DENND2B: variants seen among roughly 807,000 people sequenced by gnomAD.
DENND2B encodes DENN domain-containing protein 2B.
Under a neutral mutation model 116.0 loss-of-function variants are expected in DENND2B, and 32 were observed. The observed-to-expected ratio is 0.28, with a 90% CI of 0.21 to 0.37. The LOEUF (loss-of-function observed/expected upper bound fraction) is 0.37, where lower values mean the gene tolerates loss of function less well. DENND2B is among the 10% of genes least tolerant of loss of function. The pLI, the probability that DENND2B is intolerant of heterozygous loss-of-function variation, is 1.00. For synonymous variants in DENND2B, 588 were observed against 583.9 expected, an observed-to-expected ratio of 1.01 and a Z score of -0.10; for missense variants, 1,276 against 1,477.7, an observed-to-expected ratio of 0.86 and a Z score of 2.24.
chr11:8,739,435 T>C (rs891308142), intron 2 of DENND2B, among the ~76,000 whole-genome samples: 2 of 152,250 alleles, frequency 1.3e-5, no homozygotes, highest in African/African-American at 4.8e-5. Flanking sequence ...ACACCAGCTG[T>C]GTGGCTAAGA....
intron 2 of DENND2B, among the ~76,000 whole-genome samples, chr11:8,735,781 T>A (rs2048919621): frequency 6.6e-6 from 1 of 152,156 alleles, no homozygotes; most frequent in Non-Finnish European, 1.5e-5. Flanking sequence ...GAGGGAACAC[T>A]AGGGAGGCTT....
At chr11:8,875,983 T>C (rs898929046), upstream of DENND2B, among the ~76,000 whole-genome samples, 1 of 122,280 alleles carries the variant, frequency 8.2e-6, no homozygotes, top group East Asian at 2.5e-4. Flanking sequence ...CTTTATTATT[T>C]TATTTAGATC....
intron 2 of DENND2B, among the ~76,000 whole-genome samples, chr11:8,746,740 C>T (rs765130837): frequency 1.4e-4 from 22 of 152,182 alleles, no homozygotes; most frequent in Non-Finnish European, 2.9e-4. Flanking sequence ...ATGAAAAGCC[C>T]TGCAAACCAG....
chr11:8,795,223 C>G (rs1252663808), intron 1 of DENND2B, among the ~76,000 whole-genome samples: 1 of 152,212 alleles, frequency 6.6e-6, no homozygotes, highest in Non-Finnish European at 1.5e-5. Context: ...TGGACCTTTA[C>G]CAGGCTTTGT....
intron 7 of DENND2B, 32 bp downstream of exon 7, chr11:8,714,578 A>G (rs1306688173): frequency 1.3e-6 from 2 of 1,594,790 alleles, no homozygotes; most frequent in Non-Finnish European, 1.7e-6. Flanking sequence ...AGGGCCCCAA[A>G]CAGCTGAACC....
At chr11:8,797,820 C>T (rs11042070) in intron 1 of DENND2B, among the ~76,000 whole-genome samples, 35,586 of 151,930 alleles carry the variant, frequency 0.23, 4,428 homozygotes, top group Middle Eastern at 0.36. Context: ...ATTTCCATAC[C>T]TTATCCCAAG....
intron 1 of DENND2B, among the ~76,000 whole-genome samples, chr11:8,891,159 G>A (rs1056610408): frequency 6.6e-6 from 1 of 152,150 alleles, no homozygotes; most frequent in African/African-American, 2.4e-5. Flanking sequence ...AAGTGAAGGA[G>A]AAATAAAATT....
intron 1 of DENND2B, among the ~76,000 whole-genome samples, chr11:8,896,407 T>C (rs540025920): frequency 6.6e-6 from 1 of 152,304 alleles, no homozygotes; most frequent in Non-Finnish European, 1.5e-5. Flanking sequence ...TTGGAATATA[T>C]TAATTTTTGA....
chr11:8,815,367 G>A (rs1439948831), upstream of DENND2B, among the ~76,000 whole-genome samples: 1 of 152,134 alleles, frequency 6.6e-6, no homozygotes, highest in Non-Finnish European at 1.5e-5. Flanking sequence ...ACCAACAGCA[G>A]TGTGACTACA....
At chr11:8,809,941 A>T (rs565340566) in intron 1 of DENND2B, 1 of 151,414 alleles carries the variant, frequency 6.6e-6, no homozygotes, top group Non-Finnish European at 1.5e-5. Flanking sequence ...TGGAAGAGAG[A>T]GAGTGCAAAA....
At chr11:8,799,418 T>C (rs946681548) in intron 1 of DENND2B, among the ~76,000 whole-genome samples, 1 of 152,160 alleles carries the variant, frequency 6.6e-6, no homozygotes, top group Non-Finnish European at 1.5e-5. Flanking sequence ...CTTTCCTTTC[T>C]AGATTCAAAA....
At chr11:8,811,854 C>T (rs969907448), upstream of DENND2B, among the ~76,000 whole-genome samples, 4 of 152,192 alleles carry the variant, frequency 2.6e-5, no homozygotes, top group Non-Finnish European at 5.9e-5. Context: ...CTGCCTCAGC[C>T]TCTGAAGTAG....
intron 3 of DENND2B, among the ~76,000 whole-genome samples, chr11:8,841,464 C>G (rs2062622013): frequency 6.6e-6 from 1 of 151,560 alleles, no homozygotes; most frequent in Non-Finnish European, 1.5e-5. Flanking sequence ...CATAGTGGGA[C>G]CTCATCTCTA....
chr11:8,843,346 T>A (rs2062692844), intron 3 of DENND2B, among the ~76,000 whole-genome samples: 1 of 152,104 alleles, frequency 6.6e-6, no homozygotes, highest in South Asian at 2.1e-4. Flanking sequence ...AGGCCCTAAT[T>A]GAGCATGTGG....
Position 8,863,231 on chromosome 11 carries a change from C to T in DENND2B, c.-249-5795G>A, listed in dbSNP as rs184887453. On this transcript the variant is annotated intron_variant, in intron 2 of 6. Transcript: ENST00000524757. Reference sequence around the variant, plus strand: ...CAAGATATAAAGTGGCCTCTACCCACGCCCCATGACTCTTAACGCCACTTT... The same window carrying T: ...CAAGATATAAAGTGGCCTCTACCCATGCCCCATGACTCTTAACGCCACTTT... Among the ~76,000 whole-genome samples the T allele has an allele frequency of 6.6e-5, 10 of 151,178 alleles. 1 individual carries two copies. Among genetic ancestry groups the T allele is most frequent in the Admixed American group, 4.6e-4 (7 of 15,136 alleles).
chr11:8,747,223 T>C (rs1288803641), intron 2 of DENND2B, among the ~76,000 whole-genome samples: 2 of 151,868 alleles, frequency 1.3e-5, no homozygotes, highest in African/African-American at 4.9e-5. Flanking sequence ...TCAAGAATTA[T>C]ATATTCTCAC....
chr11:8,910,293 C>T (rs1485675636), intron 1 of DENND2B, among the ~76,000 whole-genome samples: 1 of 151,624 alleles, frequency 6.6e-6, no homozygotes, highest in East Asian at 2.0e-4. Flanking sequence ...GCCACCTTGG[C>T]AGCCACACAG....
intron 1 of DENND2B, among the ~76,000 whole-genome samples, chr11:8,891,556 C>T (rs1189411160): frequency 6.6e-6 from 1 of 152,050 alleles, no homozygotes; most frequent in African/African-American, 2.4e-5. Flanking sequence ...ATCTACCAAG[C>T]AAATGGAGAA....
At chr11:8,697,699 G>T in intron 16 of DENND2B, 63 bp from the exon 17 acceptor site, 1 of 1,091,762 alleles carries the variant, frequency 9.2e-7, no homozygotes, top group Non-Finnish European at 1.4e-6. Flanking sequence ...TATGTGCTAA[G>T]ACCTGTTAGA....
Sources: allele counts gnomAD v4.1 joint callset (sites outside exome capture counted in the v4.1 genomes callset), GRCh38; gene constraint gnomAD v4.1.1; transcripts MANE v1.5; gene names NCBI Gene and HGNC (gene_info 2026-07-23, HGNC 2026-07-21).